The following AFF2 variants were observed in gnomAD, a reference collection of about 807,000 sequenced individuals.
The protein encoded by AFF2 is ALF transcription elongation factor 2.
In AFF2, 14 loss-of-function variants were observed where a neutral mutation model predicts 76.9. That is an observed-to-expected ratio of 0.18 (90% CI 0.12 to 0.28). The LOEUF is 0.28. AFF2 is among the 10% of genes least tolerant of loss of function. The pLI is 1.00. For missense variants in AFF2, 868 were observed against 1,001.1 expected, an observed-to-expected ratio of 0.87 and a Z score of 1.79; for synonymous variants, 398 against 366.7, an observed-to-expected ratio of 1.09 and a Z score of -0.98.
chrX:148,852,389 GTT>G (rs33916305), intron 7 of AFF2, among the ~76,000 whole-genome samples: 4,653 of 78,758 alleles, frequency 0.059, 290 homozygotes, highest in African/African-American at 0.19. Flanking sequence ...CCAGCAGCTG[GTT>G]TTTTTTTTTT....
At chrX:148,897,450 A>T (rs531857878) in intron 8 of AFF2, among the ~76,000 whole-genome samples, 2 of 103,457 alleles carry the variant, frequency 1.9e-5, no homozygotes, top group African/African-American at 7.0e-5. Context: ...AATTTTCTCA[A>T]TAAGGAAACT....
At chrX:148,765,062 T>C (rs2069496459) in intron 3 of AFF2, among the ~76,000 whole-genome samples, 1 of 111,107 alleles carries the variant, frequency 9.0e-6, no homozygotes, top group Non-Finnish European at 1.9e-5. Flanking sequence ...CTTTTATTTA[T>C]AGAGATGGGC....
intron 1 of AFF2, among the ~76,000 whole-genome samples, chrX:148,583,244 G>A (rs782278716): frequency 2.7e-5 from 3 of 111,763 alleles, no homozygotes; most frequent in African/African-American, 9.8e-5. Flanking sequence ...ATAGTAAATT[G>A]TATGGTATGT....
At chrX:148,620,421 A>G (rs782463843) in intron 1 of AFF2, among the ~76,000 whole-genome samples, 5 of 111,211 alleles carry the variant, frequency 4.5e-5, no homozygotes, top group African/African-American at 1.6e-4. Context: ...TTAAAAATAT[A>G]TCTTAATTCA....
intron 1 of AFF2, among the ~76,000 whole-genome samples, chrX:148,564,610 C>A (rs1022941502): frequency 9.0e-6 from 1 of 110,919 alleles, no homozygotes; most frequent in Non-Finnish European, 1.9e-5. Flanking sequence ...GCTTACTCTT[C>A]TGTGCCTTTA....
intron 8 of AFF2, among the ~76,000 whole-genome samples, chrX:148,898,575 C>T (rs1265660439): frequency 8.9e-6 from 1 of 111,811 alleles, no homozygotes; most frequent in Non-Finnish European, 1.9e-5. Flanking sequence ...GTGAATGCTG[C>T]TCCAGACTCC....
At chrX:148,647,578 T>A (rs1557255630) in intron 1 of AFF2, among the ~76,000 whole-genome samples, 2 of 111,204 alleles carry the variant, frequency 1.8e-5, no homozygotes, top group Non-Finnish European at 3.8e-5. Flanking sequence ...ATCCCTAAAG[T>A]TTTTCCCTAC....
chrX:148,934,463 T>G (rs1371379508), intron 9 of AFF2, among the ~76,000 whole-genome samples: 1 of 112,466 alleles, frequency 8.9e-6, no homozygotes, highest in East Asian at 2.8e-4. Context: ...TATGAAATTG[T>G]TATTAGAAGG....
At chrX:148,740,777 T>A (rs781849641) in intron 3 of AFF2, among the ~76,000 whole-genome samples, 1 of 112,216 alleles carries the variant, frequency 8.9e-6, no homozygotes, top group East Asian at 2.8e-4. Flanking sequence ...TTGGGTAGGC[T>A]CTGTCAGAGG....
chrX:148,664,229 A>G (rs1469722588), intron 3 of AFF2, among the ~76,000 whole-genome samples: 1 of 111,661 alleles, frequency 9.0e-6, no homozygotes, highest in Non-Finnish European at 1.9e-5. Flanking sequence ...GAAAAGTCCA[A>G]ATTTCTTAGT....
intron 5 of AFF2, among the ~76,000 whole-genome samples, chrX:148,842,210 C>T (rs931591324): frequency 1.8e-5 from 2 of 112,340 alleles, no homozygotes; most frequent in African/African-American, 3.2e-5. Context: ...GTGCCCTGAA[C>T]GTTACTGTAA....
At chrX:148,821,653 A>G (rs1008801447) in intron 4 of AFF2, among the ~76,000 whole-genome samples, 1 of 111,392 alleles carries the variant, frequency 9.0e-6, no homozygotes, top group African/African-American at 3.3e-5. Context: ...AAGATCCACC[A>G]CAGAGATCAC....
intron 7 of AFF2, among the ~76,000 whole-genome samples, chrX:148,869,184 G>A (rs1465068927): frequency 9.0e-6 from 1 of 111,511 alleles, no homozygotes; most frequent in Non-Finnish European, 1.9e-5. Context: ...GAGACAGAAA[G>A]CAGATTAGAG....
chrX:148,909,471 C>T (rs1483433252), intron 9 of AFF2, among the ~76,000 whole-genome samples: 1 of 111,803 alleles, frequency 8.9e-6, no homozygotes, highest in Non-Finnish European at 1.9e-5. Context: ...TATTTCTTAA[C>T]CACTCTTTCA....
intron 1 of AFF2, among the ~76,000 whole-genome samples, chrX:148,530,038 G>A (rs1479375384): frequency 9.0e-6 from 1 of 110,991 alleles, no homozygotes; most frequent in East Asian, 2.8e-4. Flanking sequence ...AAAAAAGGGT[G>A]GTTGTGCTTA....
intron 1 of AFF2, among the ~76,000 whole-genome samples, chrX:148,511,990 T>C (rs1482932767): frequency 1.8e-5 from 2 of 111,910 alleles, no homozygotes; most frequent in South Asian, 7.4e-4. Context: ...CAAAGAAATT[T>C]AGGAAATTTT....
At chrX:148,889,573 G>A (rs1468381063) in intron 8 of AFF2, among the ~76,000 whole-genome samples, 5 of 112,113 alleles carry the variant, frequency 4.5e-5, no homozygotes, top group African/African-American at 1.6e-4. Context: ...ATGAAGACAC[G>A]ATAGTGATTG....
intron 1 of AFF2, among the ~76,000 whole-genome samples, chrX:148,550,579 TATG>T (rs782052670): frequency 1.6e-4 from 18 of 111,815 alleles, no homozygotes; most frequent in South Asian, 3.7e-4. Flanking sequence ...CCCATCAAGC[TATG>T]ATTTTTTGAC....
intron 3 of AFF2, among the ~76,000 whole-genome samples, chrX:148,775,257 T>C (rs1469168518): frequency 8.9e-6 from 1 of 112,147 alleles, no homozygotes; most frequent in Non-Finnish European, 1.9e-5. Context: ...TGTTCTACTC[T>C]GGTATCTGAA....
Sources: gnomAD v4.1 joint callset for allele counts (sites outside exome capture counted in the v4.1 genomes callset) on GRCh38, gnomAD v4.1.1 for gene constraint, MANE v1.5 for transcripts, NCBI Gene and HGNC (gene_info 2026-07-23, HGNC 2026-07-21) for gene names.